The following MAPRE2 variants were observed in gnomAD, a reference collection of about 807,000 sequenced individuals.
MAPRE2 encodes the protein microtubule associated protein RP/EB family member 2, also known as microtubule-associated protein RP/EB family member 2.
MAPRE2 carries 13 observed loss-of-function variants against 43.2 expected under a neutral mutation model. That is an observed-to-expected ratio of 0.30 (90% CI 0.20 to 0.48). MAPRE2 has a LOEUF of 0.48. Among genes scored for constraint, MAPRE2 ranks in the 20% least tolerant of loss-of-function variants. The probability of loss-of-function intolerance (pLI) is 0.99; values close to 1 mark genes in which losing one functional copy is unlikely to be tolerated. For missense variants in MAPRE2, 161 were observed against 400.2 expected (o/e 0.40, Z 5.10); for synonymous variants, 135 against 148.8 (o/e 0.91, Z 0.68).
chr18:35,129,786 TAAG>T (rs1910065924), intron 5 of MAPRE2, among the ~76,000 whole-genome samples: 2 of 152,230 alleles, frequency 1.3e-5, no homozygotes, highest in African/African-American at 2.4e-5. Flanking sequence ...GGAAGAATGG[TAAG>T]AAGAGTGCTG....
rs533554158 is a variant in MAPRE2 at position 35,127,265 on chromosome 18, A to G, written c.750+178A>G. The G allele has an allele frequency of 1.0e-4, 63 of 614,400 alleles. No homozygotes were observed. In the South Asian group the frequency reaches 1.3e-3, roughly 12 times the overall value. The allele number at this position is 614,400 out of a possible 1,614,324, so 38.1% of individuals were successfully genotyped here. ...AAAATCAGTAGCCCATGATGAATAA[A>G]AAGTGTTAGTCACAAATCTCAAAGC... On this transcript the variant is annotated intron_variant, in intron 5 of 6. Coordinates refer to ENST00000300249, the MANE Select transcript of MAPRE2 (RefSeq NM_014268.4).
At chr18:34,980,023 C>CTTTTTTTTTTTTTTTTTTTTTTT (rs1450524683) in intron 1 of MAPRE2, among the ~76,000 whole-genome samples, 2 of 132,506 alleles carry the variant, frequency 1.5e-5, no homozygotes, top group African/African-American at 5.9e-5. Context: ...TTTTCTTTTT[C>CTTTTTTTTTTTTTTTTTTTTTTT]TTTTTTTCTT....
At chr18:35,121,761 T>C (rs1909682701) in intron 4 of MAPRE2, among the ~76,000 whole-genome samples, 9 of 152,184 alleles carry the variant, frequency 5.9e-5, no homozygotes, top group Admixed American at 5.9e-4. Context: ...GTCAAATCAC[T>C]GATGGAGTGG....
chr18:35,060,372 G>A (rs1328736274), intron 1 of MAPRE2, among the ~76,000 whole-genome samples: 1 of 152,184 alleles, frequency 6.6e-6, no homozygotes, highest in Non-Finnish European at 1.5e-5. Context: ...TGAGCTCTAG[G>A]TCATTGAAAT....
intron 1 of MAPRE2, chr18:34,978,537 A>G: frequency 6.4e-7 from 1 of 1,551,664 alleles, no homozygotes; most frequent in Non-Finnish European, 8.7e-7. Context: ...AACAGAGATC[A>G]AAAGGTAATC....
At chr18:35,005,975 G>A (rs1006349517) in intron 2 of MAPRE2, among the ~76,000 whole-genome samples, 10 of 152,216 alleles carry the variant, frequency 6.6e-5, no homozygotes, top group African/African-American at 2.2e-4. Context: ...GAGAGCGTGC[G>A]AGCGTGCGAG....
chr18:35,012,897 A>G (rs767698535), intron 2 of MAPRE2, among the ~76,000 whole-genome samples: 1 of 152,142 alleles, frequency 6.6e-6, no homozygotes, highest in Non-Finnish European at 1.5e-5. Context: ...AAATTGGTAA[A>G]ATTTTGTTAT....
At chr18:34,987,862 C>G (rs1042708837) in intron 1 of MAPRE2, among the ~76,000 whole-genome samples, 1 of 152,042 alleles carries the variant, frequency 6.6e-6, no homozygotes, top group South Asian at 2.1e-4. Flanking sequence ...AGGCTGGTCT[C>G]GAACTCCTGG....
chr18:35,131,956 T>TC lies in MAPRE2; in HGVS notation c.751-76_751-75insC. 3.5e-6 allele frequency: 5 copies of TC among 1,426,786 alleles called. No homozygotes were observed. In the South Asian group the frequency reaches 6.3e-5, roughly 18 times the overall value. 88.4% of individuals were successfully genotyped at this position (1,426,786 alleles called of 1,614,324 possible). A position where few individuals can be genotyped will look rare whatever the true frequency, so the allele number is the denominator to read the frequency against. Reference sequence around the variant, plus strand: ...CTCTCTCTCTCTCTCTTTTGGGTTTTATTCACAGGAATTGCTGGTCATGTC... The same window carrying TC: ...CTCTCTCTCTCTCTCTTTTGGGTTTTCATTCACAGGAATTGCTGGTCATGTC... On this transcript the variant is annotated intron_variant, in intron 5 of 6. Coordinates refer to ENST00000300249, the MANE Select transcript of MAPRE2 (RefSeq NM_014268.4).
chr18:35,037,402 A>G (rs559572207), upstream of MAPRE2, among the ~76,000 whole-genome samples: 8 of 152,342 alleles, frequency 5.3e-5, no homozygotes, highest in South Asian at 6.2e-4. Context: ...CGATGAGGAA[A>G]CTAAATGTTA....
chr18:35,092,658 C>T (rs542069480), intron 2 of MAPRE2, among the ~76,000 whole-genome samples: 50 of 152,146 alleles, frequency 3.3e-4, no homozygotes, highest in Non-Finnish European at 5.0e-4. Flanking sequence ...AGGAAACAGT[C>T]AGCAGAATGA....
chr18:34,989,205 T>A (rs1488747950), intron 1 of MAPRE2, among the ~76,000 whole-genome samples: 1 of 152,224 alleles, frequency 6.6e-6, no homozygotes, highest in African/African-American at 2.4e-5. Flanking sequence ...CAAAAACTAT[T>A]TTTATTATTG....
Position 35,082,487 on chromosome 18 carries a change from C to T in MAPRE2, c.250+12165C>T, listed in dbSNP as rs1311843514. Among the ~76,000 whole-genome samples the T allele has an allele frequency of 2.6e-5, 4 of 152,052 alleles. No individual in the cohort carries two copies. The East Asian group carries it at 7.7e-4, about 29-fold the overall frequency. Reference sequence around the variant, plus strand: ...TCCAACATTTATCCCCACAGCCTCCCTACCCATAACCTGTATTTCCTCAAA... The same window carrying T: ...TCCAACATTTATCCCCACAGCCTCCTTACCCATAACCTGTATTTCCTCAAA... On this transcript the variant is annotated intron_variant, in intron 2 of 6. Coordinates refer to ENST00000300249, the MANE Select transcript of MAPRE2 (RefSeq NM_014268.4).
chr18:34,987,316 G>C (rs960115944), intron 1 of MAPRE2, among the ~76,000 whole-genome samples: 5 of 152,132 alleles, frequency 3.3e-5, no homozygotes, highest in African/African-American at 1.2e-4. Flanking sequence ...ACCTAGATGA[G>C]GCATCAGCAT....
At chr18:35,025,738 C>T (rs1424960799) in intron 2 of MAPRE2, among the ~76,000 whole-genome samples, 3 of 152,188 alleles carry the variant, frequency 2.0e-5, no homozygotes, top group African/African-American at 7.2e-5. Context: ...TTCCACTGAA[C>T]ATAGTCCAGT....
chr18:35,002,912 A>G (rs1189995527), intron 1 of MAPRE2, among the ~76,000 whole-genome samples: 2 of 152,112 alleles, frequency 1.3e-5, no homozygotes, highest in African/African-American at 4.8e-5. Flanking sequence ...AGTCCAATTT[A>G]CCAATTTTTC....
chr18:35,039,938 G>A (rs1382962338), upstream of MAPRE2, among the ~76,000 whole-genome samples: 4 of 152,218 alleles, frequency 2.6e-5, no homozygotes, highest in Admixed American at 6.5e-5. Flanking sequence ...CTGGCTGGGC[G>A]TGGTGGCTCA....
intron 5 of MAPRE2, among the ~76,000 whole-genome samples, chr18:35,130,757 G>A (rs1910110468): frequency 6.6e-6 from 1 of 152,162 alleles, no homozygotes. Flanking sequence ...CAGAGACCAG[G>A]AACGGGGTAA....
intron 1 of MAPRE2, among the ~76,000 whole-genome samples, chr18:35,063,309 G>T (rs552925993): frequency 2.5e-4 from 38 of 151,902 alleles, no homozygotes; most frequent in African/African-American, 8.9e-4. Context: ...GGGTTTCACC[G>T]TGTTAGCCAG....
Sources: gnomAD v4.1 joint callset for allele counts (sites outside exome capture counted in the v4.1 genomes callset) on GRCh38, gnomAD v4.1.1 for gene constraint, MANE v1.5 for transcripts, NCBI Gene and HGNC (gene_info 2026-07-23, HGNC 2026-07-21) for gene names.